Variants in CDS2 observed in about 807,000 individuals in gnomAD.
CDS2 encodes the protein phosphatidate cytidylyltransferase 2.
In CDS2, 47 loss-of-function variants were observed where a neutral mutation model predicts 59.0. The observed-to-expected ratio is 0.80, with a 90% CI of 0.63 to 1.02. CDS2 has a LOEUF of 1.02. CDS2 is among the 50% of genes least tolerant of loss of function. The pLI is 0.00. For synonymous variants in CDS2, 207 were observed against 206.4 expected (o/e 1.00, Z -0.02); for missense variants, 356 against 558.9 (o/e 0.64, Z 3.66).
chr20:5,140,980 C>A (rs1412594575), intron 1 of CDS2, among the ~76,000 whole-genome samples: 2 of 152,150 alleles, frequency 1.3e-5, no homozygotes, highest in African/African-American at 4.8e-5. Context: ...ATTCTGAAAG[C>A]CCTTATTAAA....
At chr20:5,144,893 A>C (rs907231488) in intron 1 of CDS2, among the ~76,000 whole-genome samples, 2 of 152,106 alleles carry the variant, frequency 1.3e-5, no homozygotes, top group African/African-American at 4.8e-5. Flanking sequence ...GTGAGGCAGC[A>C]TGAAGCCCCA....
chr20:5,197,309 T>G lies in CDS2; in HGVS notation c.*7075T>G, dbSNP rs1234405185. 6.6e-6 allele frequency: 1 copy of G among 151,524 alleles called. No individual in the cohort carries two copies. Among genetic ancestry groups the G allele is most frequent in the African/African-American group, 2.4e-5 (1 of 41,158 alleles). The allele number at this position is 151,524 out of a possible 1,614,324, so 9.4% of individuals were successfully genotyped here. A position where few individuals can be genotyped will look rare whatever the true frequency, so the allele number is the denominator to read the frequency against. ...TCTTAATTCGATTCTGAGGATTTGT[T>G]TAACTAAAAAGTTCCCAAACACAGA... On this transcript the variant is annotated 3_prime_UTR_variant, in exon 13 of 13. Transcript: ENST00000460006.
chr20:5,155,826 G>GTT (rs949587229), intron 1 of CDS2, among the ~76,000 whole-genome samples: 3 of 152,120 alleles, frequency 2.0e-5, no homozygotes, highest in Admixed American at 1.3e-4. Flanking sequence ...ATCACAGGAG[G>GTT]TTTTTCTTAG....
In CDS2 at chr20:5,129,632, C is replaced by T. The variant is rs143345999; in HGVS notation, c.57+2483C>T. ...TAATGTTGTATTTTTAGTAGAGGCA[C>T]GGCTTCTCAATGTTGGTCAGGCTGG... On this transcript the variant is annotated intron_variant, in intron 1 of 12. Coordinates refer to ENST00000460006, the MANE Select transcript of CDS2 (RefSeq NM_003818.4). Among the ~76,000 whole-genome samples, 854 of 152,068 alleles carry T rather than the reference C, an allele frequency of 5.6e-3. 7 individuals carry two copies. Among genetic ancestry groups the T allele is most frequent in the African/African-American group, 0.019 (808 of 41,504 alleles).
chr20:5,180,011 G>A (rs2091022097), intron 5 of CDS2, among the ~76,000 whole-genome samples: 1 of 152,196 alleles, frequency 6.6e-6, no homozygotes, highest in East Asian at 1.9e-4. Flanking sequence ...AAAGGGGTCT[G>A]CTGCCATTGA....
chr20:5,136,121 A>G (rs544464652), intron 1 of CDS2, among the ~76,000 whole-genome samples: 2 of 152,206 alleles, frequency 1.3e-5, no homozygotes, highest in East Asian at 1.9e-4. Flanking sequence ...TGCCATTGAC[A>G]CCGAACCCCT....
At chr20:5,188,765 G>A (rs2091089699) in intron 10 of CDS2, among the ~76,000 whole-genome samples, 4 of 152,150 alleles carry the variant, frequency 2.6e-5, no homozygotes, top group Admixed American at 1.3e-4. Context: ...GTAACATGGC[G>A]GAGAAGGTCA....
intron 1 of CDS2, among the ~76,000 whole-genome samples, chr20:5,150,012 G>A (rs2090776137): frequency 6.6e-6 from 1 of 152,098 alleles, no homozygotes; most frequent in African/African-American, 2.4e-5. Context: ...ACTGCTCCTG[G>A]CCCTCCTAGT....
At chr20:5,155,376 A>G (rs1000665266) in intron 1 of CDS2, among the ~76,000 whole-genome samples, 1 of 152,254 alleles carries the variant, frequency 6.6e-6, no homozygotes, top group Admixed American at 6.5e-5. Flanking sequence ...GGTTCAAGGC[A>G]AGGAGCTCTC....
intron 1 of CDS2, among the ~76,000 whole-genome samples, chr20:5,166,000 C>T (rs2090910941): frequency 6.6e-6 from 1 of 152,134 alleles, no homozygotes; most frequent in Non-Finnish European, 1.5e-5. Flanking sequence ...TTTTGAAGAC[C>T]TGTCATCTAG....
chr20:5,184,377 A>G lies in CDS2; in HGVS notation c.672-481A>G, dbSNP rs2091052137. Among the ~76,000 whole-genome samples, 2 of 152,150 alleles carry G rather than the reference A, an allele frequency of 1.3e-5. No homozygotes were observed. Among genetic ancestry groups the G allele is most frequent in the African/African-American group, 2.4e-5 (1 of 41,434 alleles). ...ACAGTCCTGGGGAAAGATAGGGCCAACTAGAGCTAGTAATAAACAGCAAGA... is the reference window on the plus strand; with the variant it reads ...ACAGTCCTGGGGAAAGATAGGGCCAGCTAGAGCTAGTAATAAACAGCAAGA... On this transcript the variant is annotated intron_variant, in intron 7 of 12. Transcript: ENST00000460006. This position sits in a 1 kb window ranked among gnomAD's most constrained non-coding sequence, Gnocchi z 4.3.
chr20:5,167,511 G>A (rs1490729028), intron 1 of CDS2, among the ~76,000 whole-genome samples: 7 of 152,026 alleles, frequency 4.6e-5, no homozygotes. Flanking sequence ...ACACACAAAT[G>A]GATGCTGTCA....
At chr20:5,179,508 G>A (rs1020206662) in intron 5 of CDS2, among the ~76,000 whole-genome samples, 1 of 152,174 alleles carries the variant, frequency 6.6e-6, no homozygotes, top group Non-Finnish European at 1.5e-5. Flanking sequence ...CACCATTGAG[G>A]AACAGCACAG....
chr20:5,147,395 G>A (rs1368502391), intron 1 of CDS2, among the ~76,000 whole-genome samples: 12 of 152,150 alleles, frequency 7.9e-5, no homozygotes, highest in African/African-American at 9.7e-5. Context: ...TTGGGGATAG[G>A]AAAGAGGGGG....
intron 1 of CDS2, among the ~76,000 whole-genome samples, chr20:5,167,882 G>A (rs1042289314): frequency 2.1e-4 from 32 of 152,240 alleles, no homozygotes; most frequent in African/African-American, 7.7e-4. Flanking sequence ...TGAAACTTGT[G>A]AATTTGAATG....
intron 5 of CDS2, 40 bp downstream of exon 5, chr20:5,178,996 G>T (rs1174624643): frequency 1.3e-6 from 2 of 1,590,326 alleles, no homozygotes. Flanking sequence ...TGTCTGTATT[G>T]TTTTTGTATG....
chr20:5,151,117 A>G (rs1283924016), intron 1 of CDS2, among the ~76,000 whole-genome samples: 2 of 152,240 alleles, frequency 1.3e-5, no homozygotes, highest in Non-Finnish European at 2.9e-5. Context: ...TTTGTTGTGC[A>G]GCAAAATAAA....
At position 5,195,931 on chromosome 20, in the gene CDS2, CT is replaced by C. The variant is rs1427303384; in HGVS notation, c.*5699del. The C allele has an allele frequency of 6.6e-6, 1 of 151,894 alleles. No homozygotes were observed. The highest frequency in any genetic ancestry group is 1.9e-4 in the East Asian group (1 of 5,174). The allele number at this position is 151,894 out of a possible 1,614,324, so 9.4% of individuals were successfully genotyped here. On this transcript the variant is annotated 3_prime_UTR_variant, in exon 13 of 13. Coordinates refer to ENST00000460006, the MANE Select transcript of CDS2 (RefSeq NM_003818.4). ...GACTTAATGAAAAGAGTTTCTTGAA[CT>C]TAGTTTTCTGAATGGGGGTGGGGAG...
intron 1 of CDS2, among the ~76,000 whole-genome samples, chr20:5,156,338 G>T (rs2090833600): frequency 6.6e-6 from 1 of 152,178 alleles, no homozygotes; most frequent in Non-Finnish European, 1.5e-5. Context: ...AAAGCAGAAG[G>T]ATGAACTAGT....
Sources: gnomAD v4.1 joint callset for allele counts (sites outside exome capture counted in the v4.1 genomes callset) on GRCh38, gnomAD v4.1.1 for gene constraint, Gnocchi (gnomAD v3.1) non-coding constraint, MANE v1.5 for transcripts, NCBI Gene and HGNC (gene_info 2026-07-23, HGNC 2026-07-21) for gene names.